Variants in CREBBP observed in about 807,000 individuals in gnomAD.
The protein encoded by CREBBP is CREB binding lysine acetyltransferase.
Under a neutral mutation model 265.0 loss-of-function variants are expected in CREBBP, and 19 were observed. That is an observed-to-expected ratio of 0.07 (90% CI 0.05 to 0.11). The LOEUF (loss-of-function observed/expected upper bound fraction) is 0.11, where lower values mean the gene tolerates loss of function less well. CREBBP is among the 10% of genes least tolerant of loss of function. The pLI, the probability that CREBBP is intolerant of heterozygous loss-of-function variation, is 1.00. For missense variants in CREBBP, 2,525 were observed against 3,219.0 expected, an observed-to-expected ratio of 0.78 and a Z score of 5.22; for synonymous variants, 1,457 against 1,223.7, an observed-to-expected ratio of 1.19 and a Z score of -3.98.
At chr16:3,797,104 C>G (rs2053622620) in intron 3 of CREBBP, among the ~76,000 whole-genome samples, 1 of 152,198 alleles carries the variant, frequency 6.6e-6, no homozygotes, top group African/African-American at 2.4e-5. Flanking sequence ...TTCCCAACCT[C>G]CCTGCCCAGT....
chr16:3,728,471 C>G lies in CREBBP; in HGVS notation c.6576G>C (p.Met2192Ile), dbSNP rs755864452. The change falls in exon 31 of 31, where the codon ATG becomes ATC. Residue 2192 changes from methionine (M) to isoleucine (I), a missense_variant. Around this residue, in one of 19 missense-constraint regions of CREBBP, gnomAD observed 473 missense variants for 459.3 expected, o/e 1.03. Transcript: ENST00000262367. The surrounding 1 kb of genome is among the most constrained non-coding windows in gnomAD (Gnocchi z 8.7). ...MASMNPQYRE[M>I]LRRQLLQQQQ... ...GCTGCTGCAGCAGCTGCCTCCGTAA[C>G]ATTTCTCGGTACTGTGGATTCATAC... 6.2e-7 allele frequency: 1 copy of G among 1,614,034 alleles called. No individual in the cohort carries two copies. The highest frequency in any genetic ancestry group is 8.5e-7 in the Non-Finnish European group (1 of 1,179,998).
intron 5 of CREBBP, among the ~76,000 whole-genome samples, chr16:3,788,869 T>C (rs760961366): frequency 6.6e-6 from 1 of 152,182 alleles, no homozygotes; most frequent in Non-Finnish European, 1.5e-5. Context: ...GAATGACTGC[T>C]TGAGCCCGAG....
intron 16 of CREBBP, among the ~76,000 whole-genome samples, chr16:3,762,384 G>C (rs1401252700): frequency 9.2e-6 from 1 of 108,846 alleles, no homozygotes; most frequent in Non-Finnish European, 1.8e-5. Context: ...TTTTTTTTGA[G>C]ATGGAGTCTC....
intron 2 of CREBBP, among the ~76,000 whole-genome samples, chr16:3,824,713 C>T (rs977824856): frequency 3.3e-5 from 5 of 152,218 alleles, no homozygotes; most frequent in African/African-American, 9.6e-5. Context: ...GAACCATACC[C>T]GGTCAACTTG....
chr16:3,876,914 C>T (rs776029091), intron 1 of CREBBP, among the ~76,000 whole-genome samples: 2 of 152,170 alleles, frequency 1.3e-5, no homozygotes, highest in Non-Finnish European at 2.9e-5. Context: ...ACATCCATGC[C>T]CCCAGATGAG....
intron 3 of CREBBP, among the ~76,000 whole-genome samples, chr16:3,801,678 A>C (rs990687492): frequency 2.4e-4 from 36 of 152,162 alleles, no homozygotes; most frequent in African/African-American, 5.6e-4. Context: ...CTAAAAAAAA[A>C]CAGAAGAACG....
chr16:3,753,488 A>T (rs1490173619), intron 19 of CREBBP, among the ~76,000 whole-genome samples: 1 of 152,232 alleles, frequency 6.6e-6, no homozygotes, highest in Non-Finnish European at 1.5e-5. Context: ...TAACTCAATT[A>T]ATAAATTATG....
At chr16:3,836,940 T>G (rs2054464360) in intron 2 of CREBBP, among the ~76,000 whole-genome samples, 1 of 152,232 alleles carries the variant, frequency 6.6e-6, no homozygotes, top group African/African-American at 2.4e-5. Context: ...AACAAATCAA[T>G]GCACTACCAG....
intron 2 of CREBBP, among the ~76,000 whole-genome samples, chr16:3,833,110 G>C (rs1234178909): frequency 6.6e-6 from 1 of 152,176 alleles, no homozygotes; most frequent in East Asian, 1.9e-4. Context: ...CACTGTCATT[G>C]GTTTTATTAA....
intron 3 of CREBBP, among the ~76,000 whole-genome samples, chr16:3,806,038 C>A (rs1312483929): frequency 5.9e-5 from 9 of 152,190 alleles, no homozygotes; most frequent in Admixed American, 5.9e-4. Context: ...ATCGGGAGGA[C>A]TGGGTGAGGC....
At chr16:3,839,215 G>A (rs1316388655) in intron 2 of CREBBP, among the ~76,000 whole-genome samples, 1 of 152,194 alleles carries the variant, frequency 6.6e-6, no homozygotes, top group East Asian at 1.9e-4. Flanking sequence ...AACTGAGTCA[G>A]CTTATTCCAG....
At chr16:3,839,855 G>A (rs1167696274) in intron 2 of CREBBP, among the ~76,000 whole-genome samples, 2 of 151,404 alleles carry the variant, frequency 1.3e-5, no homozygotes, top group South Asian at 2.1e-4. Context: ...GAGAGGAAGA[G>A]TGAGAGAAAG....
At position 3,780,889 on chromosome 16, in the gene CREBBP, A is replaced by G; in HGVS notation, c.1677-11T>C. The G allele has an allele frequency of 6.2e-7, 1 of 1,613,084 alleles. No individual in the cohort carries two copies. Among genetic ancestry groups the G allele is most frequent in the African/African-American group, 1.3e-5 (1 of 75,000 alleles). On this transcript the variant is annotated splice_polypyrimidine_tract_variant and intron_variant, in intron 7 of 30. Transcript: ENST00000262367. ...TCGTTCATCAGTGGGCTAAGGAGGA[A>G]ATAAAGACACTTCATCCATCTACTG...
In CREBBP at chr16:3,771,410, G is replaced by A. The variant is rs543700355; in HGVS notation, c.2464-424C>T. Among the ~76,000 whole-genome samples, 4 of 152,202 alleles carry A rather than the reference G, an allele frequency of 2.6e-5. No individual in the cohort carries two copies. In the South Asian group the frequency reaches 6.2e-4, roughly 24 times the overall value. ...AATCACATTTTCTTGGGAGTGTTCTGCTTGTGAAAATTCATCGAGCTATAC... is the reference window on the plus strand; with the variant it reads ...AATCACATTTTCTTGGGAGTGTTCTACTTGTGAAAATTCATCGAGCTATAC... On this transcript the variant is annotated intron_variant, in intron 13 of 30. Coordinates refer to ENST00000262367, the MANE Select transcript of CREBBP (RefSeq NM_004380.3).
At chr16:3,849,439 GTGTGTGTGT>G (rs2054761067) in intron 2 of CREBBP, among the ~76,000 whole-genome samples, 238 of 17,224 alleles carry the variant, frequency 0.014, 12 homozygotes, top group Middle Eastern at 0.071. Context: ...GTGTGTGTGT[GTGTGTGTGT>G]GTGTGTGTGT....
chr16:3,844,861 C>T (rs568781615), intron 2 of CREBBP, among the ~76,000 whole-genome samples: 1 of 152,132 alleles, frequency 6.6e-6, no homozygotes, highest in South Asian at 2.1e-4. Flanking sequence ...CCACGTAATA[C>T]CTCCAGAAAT....
chr16:3,838,004 C>T (rs753826606), intron 2 of CREBBP, among the ~76,000 whole-genome samples: 6 of 152,086 alleles, frequency 3.9e-5, no homozygotes, highest in Non-Finnish European at 5.9e-5. Context: ...CACACACACC[C>T]GCCCACCCCT....
chr16:3,746,958 A>C (rs2052356807), intron 21 of CREBBP, among the ~76,000 whole-genome samples: 1 of 152,010 alleles, frequency 6.6e-6, no homozygotes, highest in South Asian at 2.1e-4. Context: ...AACAACAAAC[A>C]AAATCCAAAC....
intron 2 of CREBBP, among the ~76,000 whole-genome samples, chr16:3,843,623 G>A (rs1226864200): frequency 6.0e-5 from 9 of 151,250 alleles, no homozygotes; most frequent in Non-Finnish European, 8.8e-5. Flanking sequence ...GTCTCCCTAT[G>A]TTCACAGGCT....
Sources: allele counts gnomAD v4.1 joint callset (sites outside exome capture counted in the v4.1 genomes callset), GRCh38; gene constraint gnomAD v4.1.1; regional missense constraint gnomAD v4.1.1; non-coding constraint Gnocchi (gnomAD v3.1); transcripts MANE v1.5; gene names NCBI Gene and HGNC (gene_info 2026-07-23, HGNC 2026-07-21).